Variants in USP35 observed in about 807,000 individuals in gnomAD.
USP35 encodes ubiquitin carboxyl-terminal hydrolase 35.
A neutral mutation model predicts 83.8 loss-of-function variants in USP35; 69 were observed. The ratio of observed to expected loss-of-function variants is 0.82; its 90% CI spans 0.68 to 1.01. The LOEUF is 1.01. Among genes scored for constraint, USP35 ranks in the 50% least tolerant of loss-of-function variants. USP35 has a pLI of 0.00. For missense variants in USP35, 1,503 were observed against 1,362.5 expected, an observed-to-expected ratio of 1.10 and a Z score of -1.62; for synonymous variants, 714 against 589.5, an observed-to-expected ratio of 1.21 and a Z score of -3.06.
chr11:78,207,485 TGGG>T (rs754998924), intron 7 of USP35, 42 bp from the exon 8 acceptor site: 2 of 1,598,878 alleles, frequency 1.3e-6, no homozygotes, highest in Non-Finnish European at 1.7e-6. Flanking sequence ...AGAGACTCCT[TGGG>T]GGCCCATGGC....
At chr11:78,221,271 C>T in the USP35 span, among the ~76,000 whole-genome samples, 2 of 152,232 alleles carry the variant, frequency 1.3e-5, no homozygotes, top group African/African-American at 4.8e-5. Context: ...AAATATCCTC[C>T]TCTGCCTGTG....
rs1863994972 is a variant in USP35 at position 78,214,411 on chromosome 11, CAGGAGGCCTTTG to C, written c.*599_*610del. The C allele has an allele frequency of 6.9e-6, 1 of 145,220 alleles. No homozygotes were observed. The highest frequency in any genetic ancestry group is 2.6e-5 in the African/African-American group (1 of 38,392). The allele number at this position is 145,220 out of a possible 1,614,324, so 9.0% of individuals were successfully genotyped here. On this transcript the variant is annotated 3_prime_UTR_variant, in exon 11 of 11. Coordinates refer to ENST00000529308, the MANE Select transcript of USP35 (RefSeq NM_020798.4). Reference sequence around the variant, plus strand: ...GGGGCGGGGGGCTAGCTTCTCACAGCAGGAGGCCTTTGCCCCCACAGCCCCTCCACGCCTGCC... The same window carrying C: ...GGGGCGGGGGGCTAGCTTCTCACAGCCCCCCACAGCCCCTCCACGCCTGCC...
At chr11:78,191,304 GC>G (rs553678980) in intron 1 of USP35, among the ~76,000 whole-genome samples, 158 of 152,358 alleles carry the variant, frequency 1.0e-3, no homozygotes, top group African/African-American at 3.5e-3. Context: ...GGGCCTTTTG[GC>G]AGAGGGATTG....
the USP35 span, among the ~76,000 whole-genome samples, chr11:78,229,866 TC>T: frequency 6.6e-6 from 1 of 152,184 alleles, no homozygotes; most frequent in Non-Finnish European, 1.5e-5. Flanking sequence ...TCTGGCAAGT[TC>T]CTACTCCATT....
intron 9 of USP35, 108 bp downstream of exon 9, chr11:78,209,071 C>G (rs1253351072): frequency 8.6e-7 from 1 of 1,167,108 alleles, no homozygotes; most frequent in Non-Finnish European, 1.2e-6. Flanking sequence ...TGTGCTGCCT[C>G]CAACATGTGG....
rs1863735088 is a variant in USP35, at chr11:78,210,688, A to G, written c.2833A>G (p.Thr945Ala). Residue 945 changes from threonine (T) to alanine (A), a missense_variant, in exon 10 of 11, where the codon ACC becomes GCC. Thr to Ala is a moderately conservative substitution (Grantham distance 58). Transcript: ENST00000529308. ...LGSSRVRTEP[T>A]LHKDLMEAIS... ...CTCTTCTAGAGTCCGGACAGAGCCCACCCTGCACAAGGACTTGATGGAAGC... is the reference window on the plus strand; with the variant it reads ...CTCTTCTAGAGTCCGGACAGAGCCCGCCCTGCACAAGGACTTGATGGAAGC... The G allele has an allele frequency of 1.9e-6, 3 of 1,600,390 alleles. No individual in the cohort carries two copies. The highest frequency in any genetic ancestry group is 1.1e-5 in the South Asian group (1 of 90,182).
At chr11:78,194,025 C>T (rs1863073161) in intron 1 of USP35, among the ~76,000 whole-genome samples, 1 of 151,126 alleles carries the variant, frequency 6.6e-6, no homozygotes, top group South Asian at 2.1e-4. Context: ...AGCCACCGCG[C>T]CCGGCCGCAT....
At chr11:78,222,594 A>AT in the USP35 span, among the ~76,000 whole-genome samples, 1 of 150,754 alleles carries the variant, frequency 6.6e-6, no homozygotes, top group Non-Finnish European at 1.5e-5. Flanking sequence ...ACATATATGT[A>AT]TTTTTTAAGA....
At chr11:78,208,995 G>C in intron 9 of USP35, 32 bp downstream of exon 9, 1 of 1,601,648 alleles carries the variant, frequency 6.2e-7, no homozygotes, top group Non-Finnish European at 8.5e-7. Context: ...GAAGACTCCA[G>C]GTCTAGAGGG....
At chr11:78,227,646 AAG>A in the USP35 span, among the ~76,000 whole-genome samples, 1 of 151,494 alleles carries the variant, frequency 6.6e-6, no homozygotes, top group Non-Finnish European at 1.5e-5. Flanking sequence ...AAAAAAAAAA[AAG>A]AACTAGCTGG....
chr11:78,199,780 G>C lies in USP35; in HGVS notation c.936+56G>C, dbSNP rs145566752. 6,260 of 1,612,220 alleles carry C rather than the reference G, an allele frequency of 3.9e-3. 20 individuals carry two copies. The highest frequency in any genetic ancestry group is 4.2e-3 in the Non-Finnish European group (4,980 of 1,179,182). On this transcript the variant is annotated intron_variant, in intron 4 of 10. Coordinates refer to ENST00000529308, the MANE Select transcript of USP35 (RefSeq NM_020798.4). The stretch of plus-strand genomic sequence containing the variant: ...AGCCTTTTGTACTAGGCTCTTGCCA[G>C]GGGCGGTGCAGGTCTGGGAGGTCAG...
In USP35 at chr11:78,200,126, C is replaced by G. The variant is rs529623459; in HGVS notation, c.937-7C>G. 6.2e-7 allele frequency: 1 copy of G among 1,614,186 alleles called. No individual in the cohort carries two copies. Among genetic ancestry groups the G allele is most frequent in the Non-Finnish European group, 8.5e-7 (1 of 1,180,010 alleles). On this transcript the variant is annotated splice_region_variant and splice_polypyrimidine_tract_variant and intron_variant, in intron 4 of 10. Coordinates refer to ENST00000529308, the MANE Select transcript of USP35 (RefSeq NM_020798.4). ...CTGGGGACTCCTGACCAGGGACTCT[C>G]TTGTAGGTTTTCTCTAAGCTGCTGT...
downstream of USP35, among the ~76,000 whole-genome samples, chr11:78,219,663 T>C (rs1375910978): frequency 6.6e-6 from 1 of 152,204 alleles, no homozygotes; most frequent in Non-Finnish European, 1.5e-5. Context: ...TCCCGGCTTC[T>C]GGGAGGACCC....
At chr11:78,213,405 T>C (rs1325123206) in intron 10 of USP35, among the ~76,000 whole-genome samples, 1 of 152,142 alleles carries the variant, frequency 6.6e-6, no homozygotes, top group Non-Finnish European at 1.5e-5. Context: ...CCTTGTCAGC[T>C]AGTCAGTCAC....
intron 1 of USP35, among the ~76,000 whole-genome samples, chr11:78,191,169 A>G (rs1238823847): frequency 3.7e-5 from 3 of 80,140 alleles, no homozygotes; most frequent in Admixed American, 4.0e-4. Context: ...ACACACATAC[A>G]CACACACACA....
intron 6 of USP35, among the ~76,000 whole-genome samples, chr11:78,204,164 A>C (rs1467669950): frequency 6.6e-6 from 1 of 152,160 alleles, no homozygotes; most frequent in Non-Finnish European, 1.5e-5. Context: ...TGCTGGGATT[A>C]CAGGCGTGAG....
the USP35 span, chr11:78,221,846 G>C: frequency 3.5e-6 from 4 of 1,131,318 alleles, no homozygotes; most frequent in Non-Finnish European, 5.3e-6. Context: ...CTAGCCTCCA[G>C]CTGGGCCCTG....
chr11:78,222,397 T>G, the USP35 span, among the ~76,000 whole-genome samples: 1 of 152,084 alleles, frequency 6.6e-6, no homozygotes, highest in African/African-American at 2.4e-5. Flanking sequence ...TTCCAAATTA[T>G]ATATTCTTTC....
chr11:78,225,323 C>T, the USP35 span: 2 of 635,680 alleles, frequency 3.1e-6, no homozygotes, highest in Non-Finnish European at 5.6e-6. Context: ...ACTCTCAACC[C>T]CAAATGATAA....
Sources: gnomAD v4.1 joint callset for allele counts (sites outside exome capture counted in the v4.1 genomes callset) on GRCh38, gnomAD v4.1.1 for gene constraint, MANE v1.5 for transcripts, NCBI Gene and HGNC (gene_info 2026-07-23, HGNC 2026-07-21) for gene names.